ZNF438: variants seen among roughly 807,000 people sequenced by gnomAD.
ZNF438 encodes zinc finger protein 438.
ZNF438 carries 25 observed loss-of-function variants against 38.0 expected under a neutral mutation model. The ratio of observed to expected loss-of-function variants is 0.66; its 90% CI spans 0.48 to 0.92. ZNF438 has a LOEUF of 0.92. Ranked by LOEUF, ZNF438 falls within the 40% of genes least tolerant of loss-of-function variation. The probability of loss-of-function intolerance (pLI) is 0.00; values close to 1 mark genes in which losing one functional copy is unlikely to be tolerated. For missense variants in ZNF438, 1,007 were observed against 999.6 expected, an observed-to-expected ratio of 1.01 and a Z score of -0.10; for synonymous variants, 372 against 364.1, an observed-to-expected ratio of 1.02 and a Z score of -0.25.
chr10:30,955,110 T>C lies in ZNF438; in HGVS notation c.-191-13459A>G, dbSNP rs1461732306. Among the ~76,000 whole-genome samples, 4 of 152,204 alleles carry C rather than the reference T, an allele frequency of 2.6e-5. No individual in the cohort carries two copies. In the East Asian group the frequency reaches 5.8e-4, roughly 22 times the overall value. The stretch of plus-strand genomic sequence containing the variant: ...GCCTCTTCATTATATTGTTGGGTAG[T>C]TGTCTCTTCAGCTACACCTGAGAAG... On this transcript the variant is annotated intron_variant, in intron 1 of 5. Coordinates refer to ENST00000413025, the Ensembl canonical transcript of ZNF438.
chr10:30,986,739 G>A (rs912070960), intron 1 of ZNF438, among the ~76,000 whole-genome samples: 9 of 152,074 alleles, frequency 5.9e-5, no homozygotes, highest in East Asian at 5.8e-4. Flanking sequence ...TTTCATTTGC[G>A]CATGACCCTT....
chr10:30,850,153 C>T, exon 5 of ZNF438: 1 of 1,614,124 alleles, frequency 6.2e-7, no homozygotes, highest in Non-Finnish European at 8.5e-7. Context: ...GGCCAGCAAC[C>T]TGCATCAGGG....
intron 1 of ZNF438, among the ~76,000 whole-genome samples, chr10:30,969,301 T>C (rs1348107030): frequency 6.6e-6 from 1 of 152,164 alleles, no homozygotes; most frequent in Non-Finnish European, 1.5e-5. Context: ...GCACACATAG[T>C]CTGCTTCAAC....
At chr10:30,986,783 A>T (rs1427460631) in intron 1 of ZNF438, among the ~76,000 whole-genome samples, 1 of 152,168 alleles carries the variant, frequency 6.6e-6, no homozygotes, top group Non-Finnish European at 1.5e-5. Flanking sequence ...TGGCACTCAA[A>T]AAGTTTAGGA....
intron 2 of ZNF438, among the ~76,000 whole-genome samples, chr10:30,923,794 T>C (rs994436711): frequency 1.3e-5 from 2 of 152,222 alleles, no homozygotes; most frequent in Non-Finnish European, 2.9e-5. Context: ...GGAATCTGTA[T>C]GTGATTTTGG....
chr10:30,929,336 G>A (rs1270324345), intron 2 of ZNF438, among the ~76,000 whole-genome samples: 2 of 152,158 alleles, frequency 1.3e-5, no homozygotes, highest in Non-Finnish European at 2.9e-5. Flanking sequence ...CTTCCTTCTG[G>A]TGGGTTCGTG....
chr10:30,961,671 G>A (rs1476825106), intron 1 of ZNF438, among the ~76,000 whole-genome samples: 1 of 146,088 alleles, frequency 6.8e-6, no homozygotes, highest in Non-Finnish European at 1.6e-5. Context: ...TGAATCACTT[G>A]AGATCAGGAG....
At chr10:30,845,624 G>A (rs1224078063) in intron 5 of ZNF438, 51 bp from the exon 7 acceptor site, 4 of 1,560,498 alleles carry the variant, frequency 2.6e-6, no homozygotes, top group Non-Finnish European at 3.5e-6. Context: ...AAATGCAATT[G>A]GAATCTTTCC....
At chr10:31,022,783 A>G (rs992430027) in intron 1 of ZNF438, among the ~76,000 whole-genome samples, 2 of 152,044 alleles carry the variant, frequency 1.3e-5, no homozygotes, top group African/African-American at 4.8e-5. Flanking sequence ...TATTCACCTG[A>G]CCTCTTGTCA....
exon 5 of ZNF438, chr10:30,849,651 A>C (rs2033148015): frequency 6.2e-7 from 1 of 1,614,170 alleles, no homozygotes; most frequent in Non-Finnish European, 8.5e-7. Context: ...GCAACAGCAG[A>C]AGGTTTACTA....
chr10:30,893,364 G>A lies in ZNF438; in HGVS notation c.-32+15569C>T, dbSNP rs183434846. Among the ~76,000 whole-genome samples the A allele has an allele frequency of 2.4e-3, 372 of 152,294 alleles. 1 individual carries two copies. The highest frequency in any genetic ancestry group is 8.4e-3 in the African/African-American group (349 of 41,564). On this transcript the variant is annotated intron_variant, in intron 3 of 5. Transcript: ENST00000413025. ...ACCAACAAACTACAAATGGGAAAAG[G>A]AGTCCGTTGCAAGAGACAGTGCTGC... is the stretch of plus-strand genomic sequence containing the variant.
At chr10:31,006,898 G>T (rs1776634) in intron 1 of ZNF438, among the ~76,000 whole-genome samples, 112,333 of 151,388 alleles carry the variant, frequency 0.74, 42,315 homozygotes, top group African/African-American at 0.83. Flanking sequence ...AAGGCGGAAT[G>T]AAGGTTGCAC....
intron 1 of ZNF438, among the ~76,000 whole-genome samples, chr10:30,962,719 T>C (rs55748337): frequency 0.092 from 13,577 of 146,982 alleles, 2,257 homozygotes; most frequent in Non-Finnish European, 0.13. Flanking sequence ...TTCCGGCTCA[T>C]TGTCACACTG....
intron 1 of ZNF438, among the ~76,000 whole-genome samples, chr10:30,954,537 A>G (rs1344708871): frequency 6.6e-6 from 1 of 152,210 alleles, no homozygotes; most frequent in Non-Finnish European, 1.5e-5. Flanking sequence ...TCTTAAGAGT[A>G]TGACACTTAG....
chr10:30,966,236 G>A (rs1051602403), intron 1 of ZNF438, among the ~76,000 whole-genome samples: 2 of 152,046 alleles, frequency 1.3e-5, no homozygotes, highest in African/African-American at 4.8e-5. Flanking sequence ...AGGCTGAGGT[G>A]GGAGGAGCAC....
At chr10:30,911,746 T>G (rs2043100226) in intron 2 of ZNF438, among the ~76,000 whole-genome samples, 1 of 152,088 alleles carries the variant, frequency 6.6e-6, no homozygotes, top group Non-Finnish European at 1.5e-5. Flanking sequence ...AGTACTATTC[T>G]CCTCTTCATG....
At chr10:30,889,607 T>G (rs1467739531) in intron 3 of ZNF438, among the ~76,000 whole-genome samples, 3 of 152,210 alleles carry the variant, frequency 2.0e-5, no homozygotes, top group African/African-American at 7.2e-5. Context: ...GGTTTCACCA[T>G]GTTGGCCAGG....
chr10:31,026,010 C>A (rs547174678), intron 1 of ZNF438, among the ~76,000 whole-genome samples: 23 of 152,154 alleles, frequency 1.5e-4, no homozygotes, highest in Admixed American at 9.2e-4. Context: ...ATTTAATAAA[C>A]GGTGCTGGGA....
exon 6 of ZNF438, chr10:30,844,976 A>T: frequency 7.4e-6 from 12 of 1,613,690 alleles, no homozygotes; most frequent in Non-Finnish European, 1.0e-5. Context: ...TCTCAGCTTC[A>T]CTGGAAAGTT....
Sources: allele counts gnomAD v4.1 joint callset (sites outside exome capture counted in the v4.1 genomes callset), GRCh38; gene constraint gnomAD v4.1.1; transcripts MANE v1.5; gene names NCBI Gene and HGNC (gene_info 2026-07-23, HGNC 2026-07-21).